The following PPP4R4 variants were observed in gnomAD, a reference collection of about 807,000 sequenced individuals.
The protein encoded by PPP4R4 is serine/threonine-protein phosphatase 4 regulatory subunit 4.
Under a neutral mutation model 121.8 loss-of-function variants are expected in PPP4R4, and 70 were observed. That is an observed-to-expected ratio of 0.57 (90% CI 0.47 to 0.70). PPP4R4 has a LOEUF of 0.70. PPP4R4 is among the 30% of genes least tolerant of loss of function. The pLI is 0.00. For synonymous variants in PPP4R4, 348 were observed against 355.7 expected (o/e 0.98, Z 0.24); for missense variants, 875 against 1,033.6 (o/e 0.85, Z 2.10).
intron 5 of PPP4R4, among the ~76,000 whole-genome samples, chr14:94,233,179 A>C (rs887864448): frequency 1.3e-5 from 2 of 152,222 alleles, no homozygotes; most frequent in African/African-American, 4.8e-5. Context: ...TTGAGTGTCC[A>C]GTATATACAT....
At chr14:94,180,128 G>A (rs1025428249) in intron 2 of PPP4R4, among the ~76,000 whole-genome samples, 45 of 152,062 alleles carry the variant, frequency 3.0e-4, no homozygotes, top group African/African-American at 1.0e-3. Context: ...TAGGCATCCC[G>A]TTACTGTTAA....
In PPP4R4 at chr14:94,275,415, T is replaced by G. The variant is rs201604534; in HGVS notation, c.2491T>G (p.Ser831Ala). ...TCGTAATGCCAGTAGCGTTCCATCT[T>G]CCTTTTCTCCTAATACTCCCTTACC... ...RTRNASSVPS[S>A]FSPNTPLPST... Residue 831 changes from serine to alanine, a missense_variant, in exon 24 of 25, where the codon TCC becomes GCC. Ser to Ala is a moderately conservative substitution (Grantham distance 99). Coordinates refer to ENST00000304338, the MANE Select transcript of PPP4R4 (RefSeq NM_058237.2). 1 of 1,614,018 alleles carries G rather than the reference T, an allele frequency of 6.2e-7. No individual in the cohort carries two copies. Among genetic ancestry groups the G allele is most frequent in the Admixed American group, 1.7e-5 (1 of 60,014 alleles).
Position 94,174,348 on chromosome 14 carries a change from C to G in PPP4R4, c.-118C>G, listed in dbSNP as rs866330015. On this transcript the variant is annotated 5_prime_UTR_variant, in exon 1 of 25. Transcript: ENST00000304338. ...TTGCTCCCGCCGCCTGGCAGCCTCA[C>G]GCTCGGCTCCAGCGGCCAAGAGCCG... is the stretch of plus-strand genomic sequence containing the variant. The G allele has an allele frequency of 8.4e-6, 8 of 947,816 alleles. No individual in the cohort carries two copies. Among genetic ancestry groups the G allele is most frequent in the Non-Finnish European group, 9.6e-6 (7 of 726,704 alleles). 58.7% of individuals were successfully genotyped at this position (947,816 alleles called of 1,614,324 possible). A position where few individuals can be genotyped will look rare whatever the true frequency, so the allele number is the denominator to read the frequency against.
intron 23 of PPP4R4, among the ~76,000 whole-genome samples, chr14:94,270,260 A>G (rs953048669): frequency 7.9e-5 from 12 of 152,200 alleles, no homozygotes; most frequent in Admixed American, 2.0e-4. Flanking sequence ...GAAATATAAC[A>G]TGTTTATGGA....
At chr14:94,210,374 G>A (rs933318757) in intron 3 of PPP4R4, among the ~76,000 whole-genome samples, 1 of 151,108 alleles carries the variant, frequency 6.6e-6, no homozygotes, top group Non-Finnish European at 1.5e-5. Context: ...AGAATCAAAT[G>A]TATCTTTTGA....
At chr14:94,200,750 A>G (rs760715892) in intron 2 of PPP4R4, among the ~76,000 whole-genome samples, 3 of 150,352 alleles carry the variant, frequency 2.0e-5, no homozygotes, top group African/African-American at 7.3e-5. Flanking sequence ...CTAGTGGTCT[A>G]TCAATGTTGT....
intron 2 of PPP4R4, among the ~76,000 whole-genome samples, chr14:94,195,053 G>T (rs1224377870): frequency 2.0e-5 from 3 of 152,302 alleles, no homozygotes; most frequent in Non-Finnish European, 2.9e-5. Flanking sequence ...ACTAACAGAA[G>T]TTGTGAACAT....
chr14:94,185,135 G>C (rs1428534970), intron 2 of PPP4R4, among the ~76,000 whole-genome samples: 6 of 152,172 alleles, frequency 3.9e-5, no homozygotes, highest in Non-Finnish European at 8.8e-5. Flanking sequence ...GGAGGCTGAG[G>C]CTTGCTCATT....
chr14:94,237,387 T>C (rs951612643), intron 7 of PPP4R4, among the ~76,000 whole-genome samples, 178 bp from the exon 8 acceptor site: 8 of 152,202 alleles, frequency 5.3e-5, no homozygotes, highest in African/African-American at 1.9e-4. Flanking sequence ...TTACTATTAA[T>C]GTTTCTTATA....
intron 21 of PPP4R4, 123 bp downstream of exon 21, chr14:94,265,596 C>T: frequency 1.1e-6 from 1 of 907,340 alleles, no homozygotes; most frequent in Admixed American, 2.4e-5. Context: ...AAGCACTTTT[C>T]ACCTTCTATC....
At chr14:94,228,914 C>T (rs945020780) in intron 3 of PPP4R4, among the ~76,000 whole-genome samples, 27 of 152,142 alleles carry the variant, frequency 1.8e-4, no homozygotes, top group African/African-American at 6.0e-4. Context: ...TGACTTTCAG[C>T]TCGAAGTAGG....
At chr14:94,273,372 A>G (rs1894448831) in intron 23 of PPP4R4, among the ~76,000 whole-genome samples, 2 of 152,152 alleles carry the variant, frequency 1.3e-5, no homozygotes, top group African/African-American at 4.8e-5. Flanking sequence ...GAAAGAAGCA[A>G]ATCGAAACAT....
chr14:94,251,300 A>ACT (rs1893166424), intron 15 of PPP4R4, among the ~76,000 whole-genome samples: 1 of 152,048 alleles, frequency 6.6e-6, no homozygotes, highest in Non-Finnish European at 1.5e-5. Context: ...AACACTTAGA[A>ACT]GTTATACAGA....
chr14:94,275,322 C>A (rs896575492), intron 23 of PPP4R4, 52 bp from the exon 24 acceptor site: 2 of 1,579,476 alleles, frequency 1.3e-6, no homozygotes, highest in Non-Finnish European at 1.7e-6. Flanking sequence ...TCTTTGGTTA[C>A]CCTCTTTGTT....
At chr14:94,211,864 A>C (rs1278958569) in intron 3 of PPP4R4, among the ~76,000 whole-genome samples, 1 of 152,136 alleles carries the variant, frequency 6.6e-6, no homozygotes, top group Non-Finnish European at 1.5e-5. Context: ...GTGAGAGATG[A>C]CTTCCAGATT....
At chr14:94,203,375 C>CT (rs995103258) in intron 2 of PPP4R4, among the ~76,000 whole-genome samples, 26 of 151,492 alleles carry the variant, frequency 1.7e-4, no homozygotes, top group East Asian at 1.5e-3. Flanking sequence ...ATAAATAGTT[C>CT]TTTTTTTTTC....
At chr14:94,175,189 G>A (rs1236684569) in intron 1 of PPP4R4, among the ~76,000 whole-genome samples, 2 of 148,300 alleles carry the variant, frequency 1.3e-5, no homozygotes, top group South Asian at 4.4e-4. Flanking sequence ...GATCAAGCTC[G>A]GGTCCTTCTG....
chr14:94,196,309 G>GTTT lies in PPP4R4; in HGVS notation c.192-12137_192-12135dup, dbSNP rs5810663. 4.1e-3 allele frequency among the ~76,000 whole-genome samples: 361 copies of GTTT among 88,356 alleles called. 5 individuals are homozygous for GTTT. Among genetic ancestry groups the GTTT allele is most frequent in the Non-Finnish European group, 5.4e-3 (265 of 49,142 alleles). 58.0% of individuals were successfully genotyped at this position (88,356 alleles called of 152,430 possible). A position where few individuals can be genotyped will look rare whatever the true frequency, so the allele number is the denominator to read the frequency against. ...AAGCCTGTATTACTTTCTTTCAAAGGTTTTTTTTTTTTTTTTTTTTGGAGA... is the reference window on the plus strand; with the variant it reads ...AAGCCTGTATTACTTTCTTTCAAAGGTTTTTTTTTTTTTTTTTTTTTTTGGAGA... On this transcript the variant is annotated intron_variant, in intron 2 of 24. Coordinates refer to ENST00000304338, the MANE Select transcript of PPP4R4 (RefSeq NM_058237.2).
chr14:94,182,739 A>G (rs1170521551), intron 2 of PPP4R4, among the ~76,000 whole-genome samples: 1 of 152,178 alleles, frequency 6.6e-6, no homozygotes, highest in Non-Finnish European at 1.5e-5. Context: ...TCATTCATGT[A>G]CAAGTCTCTT....
Sources: gnomAD v4.1 joint callset for allele counts (sites outside exome capture counted in the v4.1 genomes callset) on GRCh38, gnomAD v4.1.1 for gene constraint, MANE v1.5 for transcripts, NCBI Gene and HGNC (gene_info 2026-07-23, HGNC 2026-07-21) for gene names.